GRIK2: variants seen among roughly 807,000 people sequenced by gnomAD.
The protein encoded by GRIK2 is glutamate receptor ionotropic, kainate 2.
A neutral mutation model predicts 100.3 loss-of-function variants in GRIK2; 32 were observed. That is an observed-to-expected ratio of 0.32 (90% confidence interval 0.24 to 0.43). The LOEUF (loss-of-function observed/expected upper bound fraction) is 0.43. GRIK2 is among the 20% of genes least tolerant of loss of function. The pLI, the probability that GRIK2 is intolerant of heterozygous loss-of-function variation, is 1.00. For synonymous variants in GRIK2, 417 were observed against 389.4 expected (o/e 1.07, Z -0.83); for missense variants, 843 against 1,114.9 (o/e 0.76, Z 3.47).
chr6:101,823,443 C>T (rs951667475), intron 10 of GRIK2, among the ~76,000 whole-genome samples: 1 of 131,382 alleles, frequency 7.6e-6, no homozygotes, highest in African/African-American at 3.5e-5. Flanking sequence ...AAGCTCAGCT[C>T]TATTTATGCC....
chr6:101,874,202 T>A (rs1248155378), intron 11 of GRIK2, among the ~76,000 whole-genome samples: 1 of 152,062 alleles, frequency 6.6e-6, no homozygotes, highest in African/African-American at 2.4e-5. Flanking sequence ...ATTGCCTAGG[T>A]TTTCTTCTAG....
chr6:101,780,898 C>T (rs928135174), intron 7 of GRIK2, among the ~76,000 whole-genome samples: 1 of 152,160 alleles, frequency 6.6e-6, no homozygotes, highest in African/African-American at 2.4e-5. Flanking sequence ...TTGAAGAGGG[C>T]TTTAAAAAGT....
At chr6:101,694,944 A>G (rs1303847538) in intron 7 of GRIK2, among the ~76,000 whole-genome samples, 2 of 150,482 alleles carry the variant, frequency 1.3e-5, no homozygotes, top group Non-Finnish European at 3.0e-5. Flanking sequence ...TTAGTTGAAT[A>G]CTTACATTTA....
At chr6:101,455,829 G>C (rs79440106) in intron 2 of GRIK2, among the ~76,000 whole-genome samples, 5,238 of 152,206 alleles carry the variant, frequency 0.034, 118 homozygotes, top group Admixed American at 0.07. Context: ...GACTCAATGA[G>C]ATAACTTGTT....
intron 11 of GRIK2, among the ~76,000 whole-genome samples, chr6:101,861,104 A>C (rs756031523): frequency 3.9e-5 from 6 of 152,172 alleles, no homozygotes; most frequent in Admixed American, 6.5e-5. Context: ...TGCCTTAAAC[A>C]CTTTGAAACT....
intron 2 of GRIK2, among the ~76,000 whole-genome samples, chr6:101,618,820 A>G (rs941240344): frequency 6.6e-6 from 1 of 151,528 alleles, no homozygotes; most frequent in Non-Finnish European, 1.5e-5. Context: ...AATAAATACT[A>G]AAGAAGAGTG....
At chr6:101,671,690 C>T (rs1770445301) in intron 4 of GRIK2, among the ~76,000 whole-genome samples, 1 of 152,024 alleles carries the variant, frequency 6.6e-6, no homozygotes, top group Non-Finnish European at 1.5e-5. Context: ...AGGGTGAAAC[C>T]CCATCTCTAC....
chr6:101,706,076 A>G (rs142806515), intron 7 of GRIK2, among the ~76,000 whole-genome samples: 2 of 151,976 alleles, frequency 1.3e-5, no homozygotes, highest in Non-Finnish European at 2.9e-5. Context: ...CAAATCAGTG[A>G]ATGTGCTTCA....
intron 2 of GRIK2, among the ~76,000 whole-genome samples, chr6:101,538,988 C>A (rs1168843211): frequency 6.6e-6 from 1 of 151,022 alleles, no homozygotes. Context: ...AGATATAGTA[C>A]CACACAAAGG....
chr6:101,427,305 G>A (rs1415862100), intron 2 of GRIK2, among the ~76,000 whole-genome samples: 1 of 152,206 alleles, frequency 6.6e-6, no homozygotes, highest in African/African-American at 2.4e-5. Context: ...TTTATAAAGT[G>A]CCATCCCCAT....
intron 10 of GRIK2, among the ~76,000 whole-genome samples, chr6:101,821,012 A>G (rs1781919295): frequency 6.6e-6 from 1 of 152,216 alleles, no homozygotes; most frequent in South Asian, 2.1e-4. Context: ...ATGTCGGAGA[A>G]AAGTGCCTTG....
chr6:101,980,781 T>C (rs1793666023), intron 14 of GRIK2, among the ~76,000 whole-genome samples: 1 of 151,796 alleles, frequency 6.6e-6, no homozygotes, highest in Admixed American at 6.6e-5. Flanking sequence ...TTAAAAGATT[T>C]GTATTAGTTA....
intron 14 of GRIK2, among the ~76,000 whole-genome samples, chr6:102,022,150 A>ACT (rs35846542): frequency 0.27 from 40,653 of 150,224 alleles, 5,863 homozygotes; most frequent in East Asian, 0.34. Flanking sequence ...ACATACACAC[A>ACT]CACACACACA....
intron 2 of GRIK2, among the ~76,000 whole-genome samples, chr6:101,526,022 A>G (rs1582643190): frequency 6.6e-6 from 1 of 152,216 alleles, no homozygotes; most frequent in African/African-American, 2.4e-5. Flanking sequence ...ATCAGCGTGG[A>G]TAAACCAGAA....
rs774187168 is a variant in GRIK2, at chr6:101,753,282, C to CAA, written c.952-46347_952-46346dup. ...TGGGCGGCAGAGCGAGACTCCGTCTCAAAAAAAAAAAAAAAAAAAAGAAAA... is the reference window on the plus strand; with the variant it reads ...TGGGCGGCAGAGCGAGACTCCGTCTCAAAAAAAAAAAAAAAAAAAAAAGAAAA... On this transcript the variant is annotated intron_variant, in intron 7 of 16. Transcript: ENST00000369134. Among the ~76,000 whole-genome samples, 225 of 70,728 alleles carry CAA rather than the reference C, an allele frequency of 3.2e-3. 2 individuals carry two copies. The highest frequency in any genetic ancestry group is 5.9e-3 in the African/African-American group (159 of 26,836). 46.4% of individuals were successfully genotyped at this position (70,728 alleles called of 152,430 possible).
intron 7 of GRIK2, among the ~76,000 whole-genome samples, chr6:101,739,867 C>G (rs1263173298): frequency 6.6e-6 from 1 of 152,030 alleles, no homozygotes; most frequent in Non-Finnish European, 1.5e-5. Context: ...TGGCCTAACC[C>G]GAAAAGTATA....
chr6:101,688,534 G>A (rs371618180), intron 7 of GRIK2, among the ~76,000 whole-genome samples: 2 of 152,110 alleles, frequency 1.3e-5, no homozygotes, highest in East Asian at 1.9e-4. Context: ...TGGAAAAAGA[G>A]AGAGGATATT....
chr6:102,065,387 C>A (rs1038594082), intron 16 of GRIK2, among the ~76,000 whole-genome samples: 4 of 151,038 alleles, frequency 2.6e-5, no homozygotes, highest in African/African-American at 9.7e-5. Flanking sequence ...TTTAAATGTT[C>A]TTATTTGTAG....
chr6:101,396,133 G>A (rs1774994982), intron 1 of GRIK2, among the ~76,000 whole-genome samples: 1 of 151,972 alleles, frequency 6.6e-6, no homozygotes, highest in Non-Finnish European at 1.5e-5. Context: ...ATGATGTGTG[G>A]TATCAGTATT....
Sources: gnomAD v4.1 joint callset for allele counts (sites outside exome capture counted in the v4.1 genomes callset) on GRCh38, gnomAD v4.1.1 for gene constraint, MANE v1.5 for transcripts, NCBI Gene and HGNC (gene_info 2026-07-23, HGNC 2026-07-21) for gene names.